Variants in USP40 observed in about 807,000 individuals in gnomAD.
USP40 encodes ubiquitin carboxyl-terminal hydrolase 40.
USP40 carries 143 observed loss-of-function variants against 166.2 expected under a neutral mutation model. The ratio of observed to expected loss-of-function variants is 0.86; its 90% CI spans 0.75 to 0.99. The LOEUF is 0.99. Among genes scored for constraint, USP40 ranks in the 50% least tolerant of loss-of-function variants. The probability of loss-of-function intolerance (pLI) is 0.00; values close to 1 mark genes in which losing one functional copy is unlikely to be tolerated. For synonymous variants in USP40, 498 were observed against 524.0 expected (o/e 0.95, Z 0.68); for missense variants, 1,444 against 1,479.7 (o/e 0.98, Z 0.40).
rs945019250 is a variant in USP40 at position 233,493,689 on chromosome 2, T to C, written c.2791-138A>G. On this transcript the variant is annotated intron_variant, in intron 24 of 31. Coordinates refer to ENST00000678225, the MANE Select transcript of USP40 (RefSeq NM_001365479.2). The surrounding 1 kb of genome is among the most constrained non-coding windows in gnomAD (Gnocchi z 4.7). ...TTTTTCCTTTTAGATTTATTAACTGTCATAAATTATACTTGTTTTTACAAT... is the reference window on the plus strand; with the variant it reads ...TTTTTCCTTTTAGATTTATTAACTGCCATAAATTATACTTGTTTTTACAAT... 35 of 1,089,758 alleles carry C rather than the reference T, an allele frequency of 3.2e-5. No individual in the cohort carries two copies. In the African/African-American group the frequency reaches 5.4e-4, roughly 17 times the overall value. 67.5% of individuals were successfully genotyped at this position (1,089,758 alleles called of 1,614,324 possible). A position where few individuals can be genotyped will look rare whatever the true frequency, so the allele number is the denominator to read the frequency against.
Position 233,562,744 on chromosome 2 carries a change from C to T in USP40, c.259G>A (p.Asp87Asn), listed in dbSNP as rs527974426. The T allele has an allele frequency of 7.6e-5, 115 of 1,518,960 alleles. 1 individual carries two copies. Among genetic ancestry groups the T allele is most frequent in the East Asian group, 4.0e-4 (16 of 40,142 alleles). The allele number at this position is 1,518,960 out of a possible 1,614,324, so 94.1% of individuals were successfully genotyped here. A position where few individuals can be genotyped will look rare whatever the true frequency, so the allele number is the denominator to read the frequency against. ...LGLFEDKDKP[D>N]AKVRIIPLQL... Reference sequence around the variant, plus strand: ...AATAATAATAAAAATACCTTTGCATCGGGTTTATCCTTATCTTCAAACAAA... The same window carrying T: ...AATAATAATAAAAATACCTTTGCATTGGGTTTATCCTTATCTTCAAACAAA... Residue 87 changes from aspartate to asparagine, a missense_variant, in exon 3 of 32, where the codon GAT becomes AAT. Physicochemically the swap from Asp to Asn is conservative, Grantham distance 23. Transcript: ENST00000678225.
In USP40 at chr2:233,480,114, C is replaced by T. The variant is rs149439044; in HGVS notation, c.3599+1089G>A. On this transcript the variant is annotated intron_variant, in intron 31 of 31. Coordinates refer to ENST00000678225, the MANE Select transcript of USP40 (RefSeq NM_001365479.2). The surrounding 1 kb of genome is among the most constrained non-coding windows in gnomAD (Gnocchi z 4.5). Reference sequence around the variant, plus strand: ...CCCACTTCTGCCATGGTCACGAGGTCACGCTCACCTGCCCTGCCACCTCCA... The same window carrying T: ...CCCACTTCTGCCATGGTCACGAGGTTACGCTCACCTGCCCTGCCACCTCCA... Among the ~76,000 whole-genome samples the T allele has an allele frequency of 6.4e-3, 979 of 152,288 alleles. 5 individuals are homozygous for T. The highest frequency in any genetic ancestry group is 0.022 in the African/African-American group (926 of 41,552).
In USP40 at chr2:233,489,410, C is replaced by T. The variant is rs140507075; in HGVS notation, c.3086G>A (p.Arg1029Lys). The T allele has an allele frequency of 1.5e-5, 24 of 1,604,722 alleles. No homozygotes were observed. In the East Asian group the frequency reaches 5.4e-4, roughly 36 times the overall value. ...PAHLRAWTVE[R>K]KRPGRLLRTD... ...TCGTAAAAGCCTGCCTGGGCGCTTC[C>T]TCTCCACCGTCCAGGCTCTGAGGTG... The change falls in exon 27 of 32, where the codon AGG becomes AAG. Residue 1029 changes from arginine (R) to lysine (K), a missense_variant. Arg to Lys is a conservative substitution (Grantham distance 26, BLOSUM62 2). Transcript: ENST00000678225.
rs78211705 is a variant in USP40 at position 233,560,587 on chromosome 2, A to G, written c.268-663T>C. ...CACAAAAACAGGTCCTTTGCCACAC[A>G]GGTAGCCTGAGAAGTACTGGGCTAG... On this transcript the variant is annotated intron_variant, in intron 3 of 31. Transcript: ENST00000678225. Among the ~76,000 whole-genome samples the G allele has an allele frequency of 6.3e-3, 963 of 152,336 alleles. 21 individuals are homozygous for G. The East Asian group carries it at 0.083, about 13-fold the overall frequency.
intron 1 of USP40, 44 bp from the exon 2 acceptor site, chr2:233,565,617 T>C: frequency 6.7e-7 from 1 of 1,483,200 alleles, no homozygotes; most frequent in Non-Finnish European, 9.0e-7. Flanking sequence ...TTAAAATAAA[T>C]TTTCCCCAAA....
At chr2:233,562,569 T>C (rs13018449) in intron 3 of USP40, among the ~76,000 whole-genome samples, 167 bp downstream of exon 3, 1 of 108,252 alleles carries the variant, frequency 9.2e-6, no homozygotes, top group Non-Finnish European at 1.9e-5. Context: ...CTGTTGTGGG[T>C]TGGGGGGAGG....
chr2:233,525,925 C>T (rs1383076008), intron 13 of USP40, among the ~76,000 whole-genome samples: 1 of 152,180 alleles, frequency 6.6e-6, no homozygotes, highest in Non-Finnish European at 1.5e-5. Flanking sequence ...GCAGAATTAG[C>T]AATGTTGAGG....
In USP40 at chr2:233,480,180, G is replaced by A. The variant is rs1437189635; in HGVS notation, c.3599+1023C>T. Among the ~76,000 whole-genome samples the A allele has an allele frequency of 6.6e-6, 1 of 152,186 alleles. No individual in the cohort carries two copies. Among genetic ancestry groups the A allele is most frequent in the East Asian group, 1.9e-4 (1 of 5,196 alleles). On this transcript the variant is annotated intron_variant, in intron 31 of 31. Coordinates refer to ENST00000678225, the MANE Select transcript of USP40 (RefSeq NM_001365479.2). The surrounding 1 kb of genome is among the most constrained non-coding windows in gnomAD (Gnocchi z 4.5). ...CCCCAGACGCCCCCAGTGGCAGAGG[G>A]CATGCAGTCCCTGGCACACGGGCAG...
chr2:233,509,946 G>T, intron 21 of USP40, 103 bp downstream of exon 21: 1 of 825,834 alleles, frequency 1.2e-6, no homozygotes, highest in Non-Finnish European at 2.0e-6. Context: ...ACCATATCAG[G>T]CCTAGTTTAG....
intron 12 of USP40, 54 bp from the exon 13 acceptor site, chr2:233,527,632 GT>G: frequency 7.1e-7 from 1 of 1,411,682 alleles, no homozygotes. Context: ...CAGACACTGT[GT>G]TTTATCTCAA....
chr2:233,490,688 C>T (rs182299908), intron 26 of USP40, among the ~76,000 whole-genome samples: 11 of 152,254 alleles, frequency 7.2e-5, no homozygotes, highest in South Asian at 4.1e-4. Context: ...TCTCTGTGAA[C>T]GTTAATGCAT....
Position 233,507,931 on chromosome 2 carries a change from A to G in USP40, c.2613+2118T>C, listed in dbSNP as rs183332284. Among the ~76,000 whole-genome samples, 45 of 152,228 alleles carry G rather than the reference A, an allele frequency of 3.0e-4. No homozygotes were observed. The East Asian group carries it at 7.3e-3, about 25-fold the overall frequency. On this transcript the variant is annotated intron_variant, in intron 21 of 31. Transcript: ENST00000678225. Reference sequence around the variant, plus strand: ...ATTATACAACACATATATGTACCAGAATATTAAAATGTACCCCATAAATAC... The same window carrying G: ...ATTATACAACACATATATGTACCAGGATATTAAAATGTACCCCATAAATAC...
At chr2:233,554,287 G>T in intron 6 of USP40, 93 bp downstream of exon 6, 1 of 1,308,402 alleles carries the variant, frequency 7.6e-7, no homozygotes, top group Non-Finnish European at 1.0e-6. Context: ...AGTGTCAACA[G>T]CTTCAAGTAT....
chr2:233,552,031 A>G (rs1265012112), intron 6 of USP40, among the ~76,000 whole-genome samples: 1 of 152,162 alleles, frequency 6.6e-6, no homozygotes, highest in Non-Finnish European at 1.5e-5. Flanking sequence ...AAGGGCTAAG[A>G]TCTATTGATT....
chr2:233,566,730 A>T lies in USP40; in HGVS notation c.-66T>A, dbSNP rs2072196304. 3 of 985,954 alleles carry T rather than the reference A, an allele frequency of 3.0e-6. No homozygotes were observed. Among genetic ancestry groups the T allele is most frequent in the South Asian group, 4.7e-5 (1 of 21,290 alleles). 61.1% of individuals were successfully genotyped at this position (985,954 alleles called of 1,614,324 possible). On this transcript the variant is annotated 5_prime_UTR_variant, in exon 1 of 32. Coordinates refer to ENST00000678225, the MANE Select transcript of USP40 (RefSeq NM_001365479.2). ...CCCTGGCCAAAACGCGAAGCGAACGAACCCGCCCCAACTGGGCGCCGCCAT... is the reference window on the plus strand; with the variant it reads ...CCCTGGCCAAAACGCGAAGCGAACGTACCCGCCCCAACTGGGCGCCGCCAT...
In USP40 at chr2:233,542,288, G is replaced by A. The variant is rs1335348215; in HGVS notation, c.1042C>T (p.Leu348=). 6.5e-7 allele frequency: 1 copy of A among 1,550,224 alleles called. No homozygotes were observed. The highest frequency in any genetic ancestry group is 1.9e-5 in the Admixed American group (1 of 52,346). The change falls in exon 9 of 32, where the codon CTA becomes TTA. Residue 348 remains leucine, a synonymous_variant. Transcript: ENST00000678225. The stretch of plus-strand genomic sequence containing the variant: ...TATACCTCTAATAAGATTGCTTTTA[G>A]AATCATCAGTGGATGATCAATCTCT... ...EEEIDHPLMI[L]KAILLEEENN...
At chr2:233,517,851 A>G (rs2067347665) in intron 18 of USP40, among the ~76,000 whole-genome samples, 1 of 151,878 alleles carries the variant, frequency 6.6e-6, no homozygotes, top group Non-Finnish European at 1.5e-5. Context: ...TCAGCCATAA[A>G]AAGGAATGAA....
At chr2:233,483,024 G>T (rs764524189) in intron 30 of USP40, among the ~76,000 whole-genome samples, 3 of 152,198 alleles carry the variant, frequency 2.0e-5, no homozygotes, top group Non-Finnish European at 4.4e-5. Flanking sequence ...ATTTGCAGAA[G>T]ATCTGCTGTC....
chr2:233,476,956 T>C lies in USP40; in HGVS notation c.*436A>G, dbSNP rs1472366844. ...GCGGTGGCGCAGTGGCCTGAGACAC[T>C]GTGAGAAGCCGGTCAGGGCGAACGA... On this transcript the variant is annotated 3_prime_UTR_variant, in exon 32 of 32. Transcript: ENST00000678225. The C allele has an allele frequency of 6.8e-6, 2 of 295,166 alleles. No homozygotes were observed. The highest frequency in any genetic ancestry group is 6.6e-6 in the Non-Finnish European group (1 of 152,514). 18.3% of individuals were successfully genotyped at this position (295,166 alleles called of 1,614,324 possible).
Sources: gnomAD v4.1 joint callset for allele counts (sites outside exome capture counted in the v4.1 genomes callset) on GRCh38, gnomAD v4.1.1 for gene constraint, Gnocchi (gnomAD v3.1) non-coding constraint, MANE v1.5 for transcripts, NCBI Gene and HGNC (gene_info 2026-07-23, HGNC 2026-07-21) for gene names.